Variants in NOS2 observed in about 807,000 individuals in gnomAD.
The protein encoded by NOS2 is nitric oxide synthase 2.
Under a neutral mutation model 136.0 loss-of-function variants are expected in NOS2, and 96 were observed. The observed-to-expected ratio is 0.71, with a 90% confidence interval of 0.60 to 0.84. The LOEUF is 0.84. NOS2 is among the 40% of genes least tolerant of loss of function. The pLI is 0.00. For synonymous variants in NOS2, 539 were observed against 587.5 expected (o/e 0.92, Z 1.20); for missense variants, 1,237 against 1,496.9 (o/e 0.83, Z 2.87).
chr17:27,791,499 G>T (rs2142526453), intron 2 of NOS2, among the ~76,000 whole-genome samples: 1 of 152,124 alleles, frequency 6.6e-6, no homozygotes, highest in East Asian at 1.9e-4. Context: ...TGTTAGGTTG[G>T]GTGAGGCAGA....
At chr17:27,770,865 T>A in intron 15 of NOS2, 48 bp downstream of exon 15, 1 of 1,421,502 alleles carries the variant, frequency 7.0e-7, no homozygotes, top group Non-Finnish European at 9.9e-7. Flanking sequence ...TCCTGGGTCC[T>A]CCCGTGCCCT....
intron 1 of NOS2, 106 bp from the exon 2 acceptor site, chr17:27,798,988 G>GC: frequency 1.7e-6 from 1 of 599,380 alleles, no homozygotes; most frequent in South Asian, 2.1e-5. Flanking sequence ...GCCAGCATGA[G>GC]CCCCTTCATC....
chr17:27,759,304 G>A (rs1309523687), intron 25 of NOS2, among the ~76,000 whole-genome samples: 7 of 152,164 alleles, frequency 4.6e-5, no homozygotes, highest in Non-Finnish European at 1.0e-4. Context: ...TGCCCTCGAG[G>A]GGCTGACCAT....
At position 27,791,769 on chromosome 17, in the gene NOS2, G is replaced by GAAA. The variant is rs869055216; in HGVS notation, c.111-2084_111-2082dup. On this transcript the variant is annotated intron_variant, in intron 2 of 26. Transcript: ENST00000313735. ...TGGTCTAGACTGGTGTGGCCTGCCA[G>GAAA]AAAAAAACAAAACAAAACAAAACAA... Among the ~76,000 whole-genome samples, 81 of 110,978 alleles carry GAAA rather than the reference G, an allele frequency of 7.3e-4. 2 individuals are homozygous for GAAA. Among genetic ancestry groups the GAAA allele is most frequent in the African/African-American group, 1.9e-3 (50 of 26,242 alleles). The allele number at this position is 110,978 out of a possible 152,430, so 72.8% of individuals were successfully genotyped here. A position where few individuals can be genotyped will look rare whatever the true frequency, so the allele number is the denominator to read the frequency against.
At chr17:27,799,234 G>A (rs1337868081) in intron 1 of NOS2, among the ~76,000 whole-genome samples, 2 of 152,156 alleles carry the variant, frequency 1.3e-5, no homozygotes, top group Non-Finnish European at 2.9e-5. Context: ...GGAAGAGCCC[G>A]GAGGTCGTTG....
chr17:27,790,620 T>C (rs1395403222), intron 2 of NOS2, among the ~76,000 whole-genome samples: 2 of 152,304 alleles, frequency 1.3e-5, no homozygotes, highest in Non-Finnish European at 2.9e-5. Context: ...CCATCATTAT[T>C]TTAAAACAAA....
At chr17:27,772,219 C>G in intron 14 of NOS2, 89 bp downstream of exon 14, 1 of 1,411,266 alleles carries the variant, frequency 7.1e-7, no homozygotes, top group Admixed American at 1.8e-5. Flanking sequence ...GACTCTGAGA[C>G]ATCCAGGAGT....
chr17:27,781,318 C>G (rs556933808), intron 7 of NOS2, 141 bp from the exon 8 acceptor site: 24 of 921,250 alleles, frequency 2.6e-5, no homozygotes, highest in Middle Eastern at 5.4e-4. Context: ...TCCTGACATG[C>G]CTTCTCCTGC....
At chr17:27,796,020 C>T (rs916750656) in intron 2 of NOS2, among the ~76,000 whole-genome samples, 7 of 151,988 alleles carry the variant, frequency 4.6e-5, no homozygotes, top group South Asian at 2.1e-4. Flanking sequence ...CAGCCAACAC[C>T]GTAAGGGTTT....
chr17:27,762,752 T>C, intron 22 of NOS2, 46 bp downstream of exon 22: 11 of 1,345,278 alleles, frequency 8.2e-6, no homozygotes, highest in Non-Finnish European at 1.1e-5. Flanking sequence ...AGATGTCCAA[T>C]AATGGGCGGA....
intron 19 of NOS2, 112 bp downstream of exon 19, chr17:27,766,398 T>C (rs185708132): frequency 1.0e-6 from 1 of 971,154 alleles, no homozygotes; most frequent in Admixed American, 1.7e-5. Flanking sequence ...TGGCTGCTAA[T>C]GCCAGCATAT....
At chr17:27,797,306 A>C (rs887367193) in intron 2 of NOS2, among the ~76,000 whole-genome samples, 3 of 152,256 alleles carry the variant, frequency 2.0e-5, no homozygotes, top group Admixed American at 1.3e-4. Context: ...TAGCAATGCC[A>C]ACAGTGCCAT....
chr17:27,765,768 C>T (rs1279453312), intron 19 of NOS2, 52 bp from the exon 20 acceptor site: 56 of 1,519,980 alleles, frequency 3.7e-5, no homozygotes, highest in Non-Finnish European at 4.8e-5. Flanking sequence ...TCCTCCAGGG[C>T]TCCTTGATGG....
Position 27,780,767 on chromosome 17 carries a change from T to C in NOS2, c.1004A>G (p.Lys335Arg). Residue 335 changes from lysine (K) to arginine (R), a missense_variant and splice_region_variant, in exon 9 of 27, where the codon AAA becomes AGA. By Grantham distance (26) the Lys-to-Arg change is conservative (BLOSUM62 2). Around this residue, in one of 3 missense-constraint regions of NOS2, gnomAD observed 440 missense variants for 545.4 expected, o/e 0.81. Transcript: ENST00000313735. ...LVLEVAMEHP[K>R]YEWFRELELK... Reference sequence around the variant, plus strand: ...CCCCCAGCACCCTCAGCCTACTTACTTGGGATGTTCCATGGCCACCTCAAG... The same window carrying C: ...CCCCCAGCACCCTCAGCCTACTTACCTGGGATGTTCCATGGCCACCTCAAG... 6.2e-7 allele frequency: 1 copy of C among 1,614,192 alleles called. No individual in the cohort carries two copies. The highest frequency in any genetic ancestry group is 8.5e-7 in the Non-Finnish European group (1 of 1,180,040).
chr17:27,793,342 T>G (rs998255028), intron 2 of NOS2, among the ~76,000 whole-genome samples: 1 of 152,130 alleles, frequency 6.6e-6, no homozygotes, highest in Non-Finnish European at 1.5e-5. Context: ...TGCTGAAACA[T>G]TCGCAGCGCA....
rs527956618 is a variant in NOS2 at position 27,765,963 on chromosome 17, G to A, written c.2247-247C>T. 3.2e-4 allele frequency among the ~76,000 whole-genome samples: 48 copies of A among 152,320 alleles called. 1 individual carries two copies. The South Asian group carries it at 4.8e-3, about 15-fold the overall frequency. The stretch of plus-strand genomic sequence containing the variant: ...TTCCCAGCAGCCCTTGGAGCCCCCC[G>A]AGGGCTTGGCTACAGCCTCTGCCTA... On this transcript the variant is annotated intron_variant, in intron 19 of 26. Coordinates refer to ENST00000313735, the MANE Select transcript of NOS2 (RefSeq NM_000625.4).
chr17:27,774,524 G>A, intron 11 of NOS2, 73 bp from the exon 12 acceptor site: 2 of 1,223,874 alleles, frequency 1.6e-6, no homozygotes, highest in Non-Finnish European at 2.2e-6. Context: ...TGGCCGCAGG[G>A]CTCCCAGAGA....
At chr17:27,773,472 G>A (rs545749314) in intron 12 of NOS2, among the ~76,000 whole-genome samples, 1 of 152,344 alleles carries the variant, frequency 6.6e-6, no homozygotes, top group Admixed American at 6.5e-5. Flanking sequence ...AGGGGGGGCG[G>A]CTAACCCTTA....
intron 26 of NOS2, among the ~76,000 whole-genome samples, 170 bp downstream of exon 26, chr17:27,758,711 A>G (rs6505445): frequency 0.56 from 84,834 of 151,982 alleles, 24,974 homozygotes; most frequent in African/African-American, 0.74. Flanking sequence ...ATGTGCAGTA[A>G]GGCCATCTGA....
Sources: gnomAD v4.1 joint callset for allele counts (sites outside exome capture counted in the v4.1 genomes callset) on GRCh38, gnomAD v4.1.1 for gene constraint, gnomAD v4.1.1 regional missense constraint, MANE v1.5 for transcripts, NCBI Gene and HGNC (gene_info 2026-07-23, HGNC 2026-07-21) for gene names.